The following NEIL3 variants were observed in gnomAD, a reference collection of about 807,000 sequenced individuals.
The protein encoded by NEIL3 is nei like DNA glycosylase 3.
A neutral mutation model predicts 57.5 loss-of-function variants in NEIL3; 48 were observed. The observed-to-expected ratio is 0.83, with a 90% CI of 0.66 to 1.06. NEIL3 has a LOEUF of 1.06. Among genes scored for constraint, NEIL3 ranks in the 50% least tolerant of loss-of-function variants. The pLI is 0.00. For missense variants in NEIL3, 717 were observed against 739.1 expected (o/e 0.97, Z 0.35); for synonymous variants, 261 against 253.2 (o/e 1.03, Z -0.29).
At chr4:177,369,756 T>G in the NEIL3 span, among the ~76,000 whole-genome samples, 1 of 152,180 alleles carries the variant, frequency 6.6e-6, no homozygotes, top group Admixed American at 6.5e-5. Flanking sequence ...GTTTGAAGTT[T>G]TGGCTAGTGT....
intron 8 of NEIL3, among the ~76,000 whole-genome samples, chr4:177,355,942 G>A (rs1279726496): frequency 6.6e-6 from 1 of 152,038 alleles, no homozygotes; most frequent in African/African-American, 2.4e-5. Context: ...TTTGAAGTAA[G>A]CTAAGGGGGC....
chr4:177,323,784 A>G (rs1371655733), intron 2 of NEIL3, among the ~76,000 whole-genome samples: 1 of 152,186 alleles, frequency 6.6e-6, no homozygotes, highest in Non-Finnish European at 1.5e-5. Flanking sequence ...TATTTCTGTA[A>G]GATGAGAGGG....
At chr4:177,315,084 A>C (rs78027349) in intron 1 of NEIL3, among the ~76,000 whole-genome samples, 3,580 of 151,914 alleles carry the variant, frequency 0.024, 147 homozygotes, top group African/African-American at 0.079. Flanking sequence ...AAAAAAAAAA[A>C]AAAAATGTGT....
At chr4:177,369,736 C>T in the NEIL3 span, among the ~76,000 whole-genome samples, 4 of 152,104 alleles carry the variant, frequency 2.6e-5, no homozygotes, top group Non-Finnish European at 5.9e-5. Context: ...CATACGACCT[C>T]GATCTCAATG....
At chr4:177,357,520 C>T (rs191705396) in intron 8 of NEIL3, among the ~76,000 whole-genome samples, 5 of 152,294 alleles carry the variant, frequency 3.3e-5, no homozygotes, top group African/African-American at 1.2e-4. Context: ...ATAATATTCA[C>T]TTTAAAATTA....
chr4:177,366,582 A>G (rs1020687220), downstream of NEIL3, among the ~76,000 whole-genome samples: 8 of 152,176 alleles, frequency 5.3e-5, no homozygotes, highest in African/African-American at 1.9e-4. Flanking sequence ...TACTTTTAGT[A>G]GAGACAGGCT....
the NEIL3 span, among the ~76,000 whole-genome samples, chr4:177,368,593 T>G: frequency 2.6e-5 from 4 of 152,258 alleles, no homozygotes; most frequent in African/African-American, 9.6e-5. Context: ...TTACCAAGTA[T>G]TGTACTTTGC....
intron 1 of NEIL3, among the ~76,000 whole-genome samples, chr4:177,321,893 A>G (rs896736350): frequency 1.3e-5 from 2 of 152,204 alleles, no homozygotes; most frequent in Non-Finnish European, 2.9e-5. Context: ...GTTTCAATCA[A>G]TGCCCTTAGG....
At chr4:177,348,926 G>A (rs891230351) in intron 6 of NEIL3, among the ~76,000 whole-genome samples, 2 of 136,052 alleles carry the variant, frequency 1.5e-5, no homozygotes, top group African/African-American at 5.5e-5. Context: ...GGAGTGCAGT[G>A]GCGTGATCTG....
rs758245844 is a variant in NEIL3, at chr4:177,310,068, G to A, written c.115G>A (p.Ala39Thr). The A allele has an allele frequency of 3.1e-6, 5 of 1,599,530 alleles. No homozygotes were observed. Among genetic ancestry groups the A allele is most frequent in the Admixed American group, 3.4e-5 (2 of 58,054 alleles). Residue 39 changes from alanine to threonine, a missense_variant, in exon 1 of 10, where the codon GCC becomes ACC. Coordinates refer to ENST00000264596, the MANE Select transcript of NEIL3 (RefSeq NM_018248.3). The stretch of plus-strand genomic sequence containing the variant: ...CGCTCTGCGGAGTCTGCAGGGCCGC[G>A]CCTTGCGGCTCGCAGCCTCCACGGT... ...GSALRSLQGR[A>T]LRLAASTVVV...
Position 177,335,759 on chromosome 4 carries a change from C to G in NEIL3, c.350C>G (p.Pro117Arg), listed in dbSNP as rs7689099. ...LEYKYKNGAS[P>R]VLEVQLTKDL... is the part of the protein sequence containing the mutation. ...TATAAATATAAAAATGGAGCTTCTC[C>G]TGTTTTGGAAGTGCAGCTCACCAAA... Residue 117 changes from proline (P) to arginine (R), a missense_variant, in exon 3 of 10, where the codon CCT becomes CGT. Coordinates refer to ENST00000264596, the MANE Select transcript of NEIL3 (RefSeq NM_018248.3). 172,843 of 1,593,222 alleles carry G rather than the reference C, an allele frequency of 0.11. 10,147 individuals carry two copies. The highest frequency in any genetic ancestry group is 0.22 in the Middle Eastern group (1,245 of 5,616).
intron 1 of NEIL3, among the ~76,000 whole-genome samples, chr4:177,317,146 T>C (rs947077615): frequency 6.6e-6 from 1 of 152,238 alleles, no homozygotes. Flanking sequence ...TCTGTCAACA[T>C]GTATGTTACA....
chr4:177,325,084 T>C (rs1184639479), intron 2 of NEIL3, among the ~76,000 whole-genome samples: 1 of 152,288 alleles, frequency 6.6e-6, no homozygotes, highest in East Asian at 1.9e-4. Context: ...CCAGAAACTA[T>C]ATCTGAGATA....
At chr4:177,366,501 C>G (rs1560925844), downstream of NEIL3, among the ~76,000 whole-genome samples, 1 of 152,174 alleles carries the variant, frequency 6.6e-6, no homozygotes, top group Non-Finnish European at 1.5e-5. Context: ...TGGGTTCAAC[C>G]GATTCTCTTG....
At chr4:177,354,515 G>T (rs17064705) in intron 8 of NEIL3, among the ~76,000 whole-genome samples, 16,462 of 152,090 alleles carry the variant, frequency 0.11, 1,064 homozygotes, top group East Asian at 0.18. Flanking sequence ...AACGTGGATG[G>T]ATCTCAAACA....
chr4:177,353,441 CTT>C lies in NEIL3; in HGVS notation c.1174_1175del (p.Leu392AspfsTer2). ...CTGCATTTGGAACTACAACTCTTGT[CTT>C]GACTGATTTTAGCAATAAATCCAGT... is the stretch of plus-strand genomic sequence containing the variant. ...KTAFGTTTLV[L>X]TDFSNKSSTL... On this transcript the variant is annotated frameshift_variant, in exon 8 of 10. Coordinates refer to ENST00000264596, the MANE Select transcript of NEIL3 (RefSeq NM_018248.3). LOFTEE classifies it high-confidence loss of function. 1 of 1,613,880 alleles carries C rather than the reference CTT, an allele frequency of 6.2e-7. No individual in the cohort carries two copies. Among genetic ancestry groups the C allele is most frequent in the Admixed American group, 1.7e-5 (1 of 59,998 alleles).
intron 1 of NEIL3, among the ~76,000 whole-genome samples, chr4:177,316,527 G>A (rs774547071): frequency 2.6e-5 from 4 of 152,078 alleles, no homozygotes; most frequent in Non-Finnish European, 5.9e-5. Flanking sequence ...AATTTTAAAA[G>A]GAGATTAAGT....
In NEIL3 at chr4:177,311,769, G is replaced by C. The variant is rs537589773; in HGVS notation, c.156+1660G>C. On this transcript the variant is annotated intron_variant, in intron 1 of 9. Coordinates refer to ENST00000264596, the MANE Select transcript of NEIL3 (RefSeq NM_018248.3). Reference sequence around the variant, plus strand: ...CAGGAAAAAGACTGAAAGAAAGCCAGAGTAGACACTGCCCTCTCATTTAGG... The same window carrying C: ...CAGGAAAAAGACTGAAAGAAAGCCACAGTAGACACTGCCCTCTCATTTAGG... Among the ~76,000 whole-genome samples the C allele has an allele frequency of 3.3e-5, 5 of 151,796 alleles. No homozygotes were observed. The South Asian group carries it at 1.0e-3, about 32-fold the overall frequency.
intron 2 of NEIL3, among the ~76,000 whole-genome samples, chr4:177,323,271 GC>G (rs948059930): frequency 6.6e-6 from 1 of 152,140 alleles, no homozygotes; most frequent in South Asian, 2.1e-4. Context: ...TCTGAGTTTA[GC>G]CTAAGCTTTT....
Sources: gnomAD v4.1 joint callset for allele counts (sites outside exome capture counted in the v4.1 genomes callset) on GRCh38, gnomAD v4.1.1 for gene constraint, MANE v1.5 for transcripts, NCBI Gene and HGNC (gene_info 2026-07-23, HGNC 2026-07-21) for gene names.